The following PCDHGA6 variants were observed in gnomAD, a reference collection of about 807,000 sequenced individuals.
PCDHGA6 encodes protocadherin gamma-A6.
Under a neutral mutation model 60.6 loss-of-function variants are expected in PCDHGA6, and 41 were observed. The observed-to-expected ratio is 0.68, with a 90% CI of 0.53 to 0.88. The LOEUF (loss-of-function observed/expected upper bound fraction) is 0.88, where lower values mean the gene tolerates loss of function less well. Among genes scored for constraint, PCDHGA6 ranks in the 40% least tolerant of loss-of-function variants. The pLI is 0.00. For synonymous variants in PCDHGA6, 594 were observed against 524.4 expected (o/e 1.13, Z -1.81); for missense variants, 1,312 against 1,203.0 (o/e 1.09, Z -1.34).
rs530139788 is a variant in PCDHGA6, at chr5:141,509,165, C to A, written c.2573-1782C>A. On this transcript the variant is annotated intron_variant, in intron 3 of 3. Coordinates refer to ENST00000517434, the MANE Select transcript of PCDHGA6 (RefSeq NM_018919.3). ...TCCCGGCTCTCCCCTCCCGTGTGCC[C>A]TCCTCCTCTTATGCCGGCTTGAAAA... Among the ~76,000 whole-genome samples the A allele has an allele frequency of 1.4e-4, 21 of 152,332 alleles. No individual in the cohort carries two copies. In the South Asian group the frequency reaches 4.1e-3, roughly 30 times the overall value.
chr5:141,412,285 C>T (rs957716949), intron 1 of PCDHGA6: 3 of 152,194 alleles, frequency 2.0e-5, no homozygotes, highest in Non-Finnish European at 4.4e-5. Context: ...TCAAATTCTA[C>T]GTATTTCTTT....
intron 1 of PCDHGA6, chr5:141,421,613 A>T (rs2096587756): frequency 6.2e-7 from 1 of 1,613,720 alleles, no homozygotes; most frequent in Admixed American, 1.7e-5. Context: ...GATATTAATG[A>T]TAACGCCCCC....
At chr5:141,389,585 C>G in intron 1 of PCDHGA6, 1 of 1,613,182 alleles carries the variant, frequency 6.2e-7, no homozygotes, top group Non-Finnish European at 8.5e-7. Context: ...CGCTGGGTCC[C>G]GACGGCTCTG....
intron 1 of PCDHGA6, among the ~76,000 whole-genome samples, chr5:141,434,888 C>T (rs1287540129): frequency 6.6e-6 from 1 of 150,944 alleles, no homozygotes; most frequent in Non-Finnish European, 1.5e-5. Flanking sequence ...AACAACAATC[C>T]AGTCCCCTTC....
chr5:141,511,381 G>A lies in PCDHGA6; in HGVS notation c.*208G>A, dbSNP rs545793377. 97 of 1,170,372 alleles carry A rather than the reference G, an allele frequency of 8.3e-5. No homozygotes were observed. In the East Asian group the frequency reaches 9.2e-4, roughly 11 times the overall value. 72.5% of individuals were successfully genotyped at this position (1,170,372 alleles called of 1,614,324 possible). On this transcript the variant is annotated 3_prime_UTR_variant, in exon 4 of 4. Transcript: ENST00000517434. ...GGGTTGAATATGCAAAAGCAGTTCC[G>A]CTGGGAACCCCCATCCAATCAACTG...
chr5:141,422,546 G>T, intron 1 of PCDHGA6: 2 of 1,613,972 alleles, frequency 1.2e-6, no homozygotes, highest in South Asian at 2.2e-5. Flanking sequence ...ACTCATGTCT[G>T]GCTGAATGTG....
chr5:141,416,224 T>G (rs2096006627), intron 1 of PCDHGA6: 1 of 152,382 alleles, frequency 6.6e-6, no homozygotes, highest in Admixed American at 6.5e-5. Context: ...TATGCTTAGA[T>G]TTTTCCAGCC....
In PCDHGA6 at chr5:141,485,636, G is replaced by A. The variant is rs371040974; in HGVS notation, c.2425-9171G>A. The A allele has an allele frequency of 6.2e-7, 1 of 1,611,922 alleles. No homozygotes were observed. The highest frequency in any genetic ancestry group is 1.1e-5 in the South Asian group (1 of 90,964). On this transcript the variant is annotated intron_variant, in intron 1 of 3. Transcript: ENST00000517434. This position sits in a 1 kb window ranked among gnomAD's most constrained non-coding sequence, Gnocchi z 5.7. ...TCCTCCAGGACAGCGTTTCCCGTTG[G>A]AAAAGGCTCAGGATGCAGATGTGGG...
At chr5:141,446,098 A>G (rs375135134) in intron 1 of PCDHGA6, among the ~76,000 whole-genome samples, 2 of 152,350 alleles carry the variant, frequency 1.3e-5, no homozygotes, top group African/African-American at 4.8e-5. Flanking sequence ...TGGATGAATT[A>G]TAGATATATT....
chr5:141,473,219 G>A (rs1198994780), intron 1 of PCDHGA6, among the ~76,000 whole-genome samples: 2 of 151,864 alleles, frequency 1.3e-5, no homozygotes, highest in Non-Finnish European at 2.9e-5. Flanking sequence ...TTACTTCCAG[G>A]GAGATTGGAT....
intron 3 of PCDHGA6, among the ~76,000 whole-genome samples, chr5:141,509,040 C>T (rs1217864661): frequency 6.6e-6 from 1 of 152,132 alleles, no homozygotes; most frequent in African/African-American, 2.4e-5. Context: ...CAACCCCTCT[C>T]CCCCGCCCCC....
intron 3 of PCDHGA6, chr5:141,508,363 A>G (rs996562348): frequency 1.3e-5 from 2 of 152,230 alleles, no homozygotes; most frequent in Non-Finnish European, 2.9e-5. Flanking sequence ...TGGCAATCCA[A>G]CTTCTTCCCC....
intron 2 of PCDHGA6, among the ~76,000 whole-genome samples, chr5:141,501,942 C>T (rs1012840550): frequency 2.6e-5 from 4 of 152,136 alleles, no homozygotes; most frequent in Non-Finnish European, 4.4e-5. Context: ...CACCACTGCT[C>T]CCTGTGACAG....
At chr5:141,409,011 A>T in intron 1 of PCDHGA6, 1 of 1,613,974 alleles carries the variant, frequency 6.2e-7, no homozygotes, top group Non-Finnish European at 8.5e-7. Context: ...ACTGACCAGG[A>T]TGAGGGGGTC....
chr5:141,398,942 G>C (rs748252181), intron 1 of PCDHGA6: 1 of 1,613,766 alleles, frequency 6.2e-7, no homozygotes, highest in Non-Finnish European at 8.5e-7. Context: ...CAAGACGAGG[G>C]CATCAACTCA....
rs755090005 is a variant in PCDHGA6, at chr5:141,388,852, G to A, written c.2424+12345G>A. 1.9e-5 allele frequency: 31 copies of A among 1,613,990 alleles called. 1 individual carries two copies. The South Asian group carries it at 3.0e-4, about 15-fold the overall frequency. On this transcript the variant is annotated intron_variant, in intron 1 of 3. Coordinates refer to ENST00000517434, the MANE Select transcript of PCDHGA6 (RefSeq NM_018919.3). ...ATAGTTTTGGAAGCAAGGGACGGTG[G>A]AGGAATGATTGCGCAATGCACAGTG...
intron 1 of PCDHGA6, among the ~76,000 whole-genome samples, chr5:141,463,861 A>G (rs1308802167): frequency 1.3e-5 from 2 of 152,340 alleles, no homozygotes; most frequent in East Asian, 1.9e-4. Context: ...ATCTGGTTTC[A>G]CATGACTGAA....
chr5:141,405,527 C>T (rs1055420196), intron 1 of PCDHGA6: 7 of 670,510 alleles, frequency 1.0e-5, no homozygotes, highest in Non-Finnish European at 1.8e-5. Flanking sequence ...TCAAGCGATT[C>T]TCCTGCCTCA....
rs2233612 is a variant in PCDHGA6 at position 141,511,014 on chromosome 5, A to G, written c.2640A>G (p.Gly880=). 8.6e-4 allele frequency: 1,386 copies of G among 1,614,082 alleles called. 14 individuals are homozygous for G. The African/African-American group carries it at 0.017, about 20-fold the overall frequency. The change falls in exon 4 of 4, where the codon GGA becomes GGG. Residue 880 remains glycine, a synonymous_variant. Coordinates refer to ENST00000517434, the MANE Select transcript of PCDHGA6 (RefSeq NM_018919.3). ...AGTMGLSARY[G]PQFTLQHVPD... ...CCATGGGATTGAGCGCCCGCTACGG[A>G]CCCCAGTTCACCCTGCAGCACGTGC...
Sources: allele counts gnomAD v4.1 joint callset (sites outside exome capture counted in the v4.1 genomes callset), GRCh38; gene constraint gnomAD v4.1.1; non-coding constraint Gnocchi (gnomAD v3.1); transcripts MANE v1.5; gene names NCBI Gene and HGNC (gene_info 2026-07-23, HGNC 2026-07-21).